The following RNF6 variants were observed in gnomAD, a reference collection of about 807,000 sequenced individuals.
RNF6 encodes the protein E3 ubiquitin-protein ligase RNF6.
In RNF6, 21 loss-of-function variants were observed where a neutral mutation model predicts 50.1. The ratio of observed to expected loss-of-function variants is 0.42; its 90% confidence interval spans 0.30 to 0.60. The LOEUF (loss-of-function observed/expected upper bound fraction) is 0.60, where lower values mean the gene tolerates loss of function less well. Ranked by LOEUF, RNF6 falls within the 20% of genes least tolerant of loss-of-function variation. The pLI is 0.20. For missense variants in RNF6, 698 were observed against 838.2 expected (o/e 0.83, Z 2.07); for synonymous variants, 255 against 291.8 (o/e 0.87, Z 1.29).
intron 5 of RNF6, among the ~76,000 whole-genome samples, chr13:26,196,780 C>G (rs1868683373): frequency 6.6e-6 from 1 of 151,814 alleles, no homozygotes; most frequent in Non-Finnish European, 1.5e-5. Context: ...GAAAAGAAAG[C>G]AAGCCACCAG....
At chr13:26,176,704 A>T (rs1872972161) in intron 5 of RNF6, among the ~76,000 whole-genome samples, 1 of 152,224 alleles carries the variant, frequency 6.6e-6, no homozygotes, top group African/African-American at 2.4e-5. Context: ...AGGCCGAGGC[A>T]GGTGGAACAC....
At chr13:26,154,566 C>T (rs1871803952) in intron 5 of RNF6, among the ~76,000 whole-genome samples, 1 of 152,122 alleles carries the variant, frequency 6.6e-6, no homozygotes, top group Non-Finnish European at 1.5e-5. Context: ...CTGCCACATA[C>T]TGGTATTTAT....
At chr13:26,176,714 C>T (rs1011071867) in intron 5 of RNF6, among the ~76,000 whole-genome samples, 13 of 152,172 alleles carry the variant, frequency 8.5e-5, no homozygotes, top group Admixed American at 6.5e-4. Context: ...AGGTGGAACA[C>T]CTGAGGTCAG....
chr13:26,172,549 T>G (rs1201372921), intron 5 of RNF6, among the ~76,000 whole-genome samples: 1 of 10,148 alleles, frequency 9.9e-5, no homozygotes, highest in Non-Finnish European at 7.9e-4. Flanking sequence ...AATATATCTT[T>G]TTTTTTTTTT....
rs545947079 is a variant in RNF6 at position 26,158,626 on chromosome 13, G to T, written n.769-26175C>A. Among the ~76,000 whole-genome samples the T allele has an allele frequency of 3.0e-4, 46 of 152,188 alleles. 1 individual carries two copies. The South Asian group carries it at 8.5e-3, about 28-fold the overall frequency. ...GATTTATATTGATTTGCATGACATT[G>T]CTGAGTGATAAAAACAGGTTTTAGA... On this transcript the variant is annotated intron_variant and non_coding_transcript_variant, in intron 5 of 5. Coordinates refer to the RNF6 transcript ENST00000468480.
chr13:26,157,365 A>T (rs1270851753), intron 5 of RNF6, among the ~76,000 whole-genome samples: 1 of 152,192 alleles, frequency 6.6e-6, no homozygotes, highest in African/African-American at 2.4e-5. Context: ...TAAACTTTGC[A>T]GAGAAACCAG....
intron 5 of RNF6, among the ~76,000 whole-genome samples, chr13:26,204,287 G>C (rs952499357): frequency 6.6e-6 from 1 of 151,996 alleles, no homozygotes; most frequent in African/African-American, 2.4e-5. Context: ...ACTGAGGTCA[G>C]GAGTTCGAGA....
At chr13:26,222,843 G>C (rs1034813813), upstream of RNF6, among the ~76,000 whole-genome samples, 1 of 152,036 alleles carries the variant, frequency 6.6e-6, no homozygotes, top group Non-Finnish European at 1.5e-5. Context: ...GGCTGGTTTC[G>C]TACTCGGCCT....
At chr13:26,208,826 G>C (rs2137725507), downstream of RNF6, among the ~76,000 whole-genome samples, 1 of 152,284 alleles carries the variant, frequency 6.6e-6, no homozygotes. Context: ...CAATGCACTG[G>C]TCTGAAATGC....
At chr13:26,190,816 T>C (rs1474262319) in intron 5 of RNF6, among the ~76,000 whole-genome samples, 1 of 152,234 alleles carries the variant, frequency 6.6e-6, no homozygotes, top group Non-Finnish European at 1.5e-5. Flanking sequence ...TTCATCATTG[T>C]TTGCCACCTC....
At chr13:26,143,005 T>C (rs1355044266) in intron 5 of RNF6, among the ~76,000 whole-genome samples, 3 of 152,140 alleles carry the variant, frequency 2.0e-5, no homozygotes, top group African/African-American at 7.2e-5. Flanking sequence ...ATACTCATGA[T>C]AGGTACAGTC....
upstream of RNF6, among the ~76,000 whole-genome samples, chr13:26,223,065 C>T (rs191859168): frequency 2.6e-5 from 4 of 152,304 alleles, no homozygotes; most frequent in East Asian, 7.7e-4. Flanking sequence ...CTGGTATAGT[C>T]CCCTTTCCTG....
At chr13:26,137,809 C>G (rs1403695884) in intron 5 of RNF6, among the ~76,000 whole-genome samples, 1 of 151,926 alleles carries the variant, frequency 6.6e-6, no homozygotes, top group Admixed American at 6.6e-5. Flanking sequence ...GTGTGTGAAA[C>G]AGCATGCATA....
intron 5 of RNF6, among the ~76,000 whole-genome samples, chr13:26,162,632 G>A (rs1872267054): frequency 6.6e-6 from 1 of 152,170 alleles, no homozygotes; most frequent in African/African-American, 2.4e-5. Flanking sequence ...TATTTCCTAT[G>A]AGTAAATCTG....
chr13:26,175,509 G>A (rs535562001), intron 5 of RNF6, among the ~76,000 whole-genome samples: 1 of 152,322 alleles, frequency 6.6e-6, no homozygotes, highest in African/African-American at 2.4e-5. Context: ...CTGCAGGATA[G>A]CCTTAGTGCT....
At chr13:26,158,794 C>T (rs1460689171) in intron 5 of RNF6, among the ~76,000 whole-genome samples, 1 of 152,024 alleles carries the variant, frequency 6.6e-6, no homozygotes, top group Non-Finnish European at 1.5e-5. Flanking sequence ...GAATTTTAGG[C>T]AATAATTACT....
chr13:26,200,135 G>A (rs1161488545), intron 5 of RNF6, among the ~76,000 whole-genome samples: 1 of 152,178 alleles, frequency 6.6e-6, no homozygotes, highest in African/African-American at 2.4e-5. Flanking sequence ...AATATTTGCT[G>A]TTTGTAAGAT....
At chr13:26,219,032 C>T (rs1056979899) in intron 3 of RNF6, among the ~76,000 whole-genome samples, 12 of 152,044 alleles carry the variant, frequency 7.9e-5, no homozygotes, top group African/African-American at 2.7e-4. Flanking sequence ...ATACAAATTT[C>T]CATTAGTTCA....
intron 5 of RNF6, among the ~76,000 whole-genome samples, chr13:26,151,621 C>CT (rs10682446): frequency 0.038 from 5,342 of 139,478 alleles, 355 homozygotes; most frequent in African/African-American, 0.13. Flanking sequence ...TTCTTTTTTT[C>CT]TTTTTTTTTT....
Sources: allele counts gnomAD v4.1 joint callset (sites outside exome capture counted in the v4.1 genomes callset), GRCh38; gene constraint gnomAD v4.1.1; transcripts MANE v1.5; gene names NCBI Gene and HGNC (gene_info 2026-07-23, HGNC 2026-07-21).